SEM1: variants seen among roughly 807,000 people sequenced by gnomAD.
The protein encoded by SEM1 is SEM1 26S proteasome subunit.
SEM1 carries 3 observed loss-of-function variants against 12.7 expected under a neutral mutation model. The ratio of observed to expected loss-of-function variants is 0.24; its 90% CI spans 0.11 to 0.61. The LOEUF (loss-of-function observed/expected upper bound fraction) is 0.61, where lower values mean the gene tolerates loss of function less well. Among genes scored for constraint, SEM1 ranks in the 20% least tolerant of loss-of-function variants. The probability of loss-of-function intolerance (pLI) is 0.88; values close to 1 mark genes in which losing one functional copy is unlikely to be tolerated. For missense variants in SEM1, 59 were observed against 81.3 expected, an observed-to-expected ratio of 0.73 and a Z score of 1.06; for synonymous variants, 30 against 27.8, an observed-to-expected ratio of 1.08 and a Z score of -0.25.
rs1803937557 is a variant in SEM1, at chr7:96,511,629, A to C, written c.171-4931T>G. On this transcript the variant is annotated intron_variant and NMD_transcript_variant, in intron 2 of 3. Transcript: ENST00000466986. ...AATGTCATATTGAAGATTTTTGGGA[A>C]ATACACAGTGTTTGTGAAAAGAGGA... Among the ~76,000 whole-genome samples, 12 of 152,270 alleles carry C rather than the reference A, an allele frequency of 7.9e-5. No homozygotes were observed. In the South Asian group the frequency reaches 2.5e-3, roughly 32 times the overall value.
chr7:96,700,661 A>G (rs1185174106), intron 1 of SEM1, among the ~76,000 whole-genome samples: 2 of 152,212 alleles, frequency 1.3e-5, no homozygotes, highest in African/African-American at 4.8e-5. Context: ...ACATCTTTCA[A>G]TGAGTAATGT....
rs547737993 is a variant in SEM1, at chr7:96,598,749, C to T, written c.171-92051G>A. On this transcript the variant is annotated intron_variant and NMD_transcript_variant, in intron 2 of 3. Transcript: ENST00000466986. ...CTTTTTGACCACAGGCCCCAGACCA[C>T]TGAGTTTATATGCTCACTTTGTGGA... Among the ~76,000 whole-genome samples, 11 of 152,232 alleles carry T rather than the reference C, an allele frequency of 7.2e-5. No homozygotes were observed. The East Asian group carries it at 2.1e-3, about 29-fold the overall frequency.
chr7:96,513,752 C>T, intron 2 of SEM1, among the ~76,000 whole-genome samples: 1 of 152,014 alleles, frequency 6.6e-6, no homozygotes, highest in South Asian at 2.1e-4. Flanking sequence ...TCACTTGAAA[C>T]CAGGAGGCAG....
intron 2 of SEM1, among the ~76,000 whole-genome samples, chr7:96,526,105 C>A (rs1014670194): frequency 7.2e-5 from 11 of 152,104 alleles, no homozygotes; most frequent in Non-Finnish European, 1.6e-4. Flanking sequence ...GACCTCAAAC[C>A]AACCCCTGTC....
chr7:96,511,188 A>G (rs192221342), intron 2 of SEM1, among the ~76,000 whole-genome samples: 1 of 152,290 alleles, frequency 6.6e-6, no homozygotes, highest in Admixed American at 6.5e-5. Context: ...AGTTTTTAGA[A>G]CGTAACCAGT....
intron 2 of SEM1, among the ~76,000 whole-genome samples, chr7:96,658,412 T>C (rs986294314): frequency 2.0e-5 from 3 of 152,248 alleles, no homozygotes; most frequent in African/African-American, 4.8e-5. Flanking sequence ...CCCTGGCATA[T>C]GGTCTTTTAA....
chr7:96,492,634 T>G (rs1803062025), intron 1 of SEM1, among the ~76,000 whole-genome samples: 1 of 143,564 alleles, frequency 7.0e-6, no homozygotes, highest in African/African-American at 2.6e-5. Flanking sequence ...TTTCACCATG[T>G]TGGCCAGGCT....
intron 2 of SEM1, among the ~76,000 whole-genome samples, chr7:96,570,774 T>C (rs6967285): frequency 0.54 from 82,784 of 151,998 alleles, 24,599 homozygotes; most frequent in Non-Finnish European, 0.68. Flanking sequence ...GAGGAATCGC[T>C]ACACTGTCTT....
chr7:96,648,162 A>G (rs1165369029), intron 2 of SEM1, among the ~76,000 whole-genome samples: 1 of 152,226 alleles, frequency 6.6e-6, no homozygotes, highest in Non-Finnish European at 1.5e-5. Flanking sequence ...GGCATTCACA[A>G]TTTTTGAATA....
chr7:96,658,555 A>T lies in SEM1; in HGVS notation c.171-35912T>A, dbSNP rs186160831. On this transcript the variant is annotated intron_variant, in intron 2 of 2. Coordinates refer to the SEM1 transcript ENST00000417009. ...AAGGAAACAAATGTTAAATCTGTGC[A>T]TAGGAGCCATGCAATTCCTAGGAGA... 5.0e-4 allele frequency among the ~76,000 whole-genome samples: 76 copies of T among 152,362 alleles called. No homozygotes were observed. The East Asian group carries it at 0.01, about 20-fold the overall frequency.
chr7:96,568,844 T>C (rs1805931902), intron 2 of SEM1, among the ~76,000 whole-genome samples: 1 of 151,948 alleles, frequency 6.6e-6, no homozygotes, highest in Non-Finnish European at 1.5e-5. Flanking sequence ...CTAATAAATG[T>C]TCATTCCTTA....
intron 2 of SEM1, among the ~76,000 whole-genome samples, 197 bp downstream of exon 2, chr7:96,694,601 T>A (rs1790031919): frequency 6.6e-6 from 1 of 151,952 alleles, no homozygotes; most frequent in Non-Finnish European, 1.5e-5. Context: ...CCAGAAAGAA[T>A]AAAAGTTGTA....
In SEM1 at chr7:96,589,811, A is replaced by T. The variant is rs774231200; in HGVS notation, c.171-83113T>A. Among the ~76,000 whole-genome samples, 17 of 152,180 alleles carry T rather than the reference A, an allele frequency of 1.1e-4. 1 individual carries two copies. Among genetic ancestry groups the T allele is most frequent in the Non-Finnish European group, 4.4e-5 (3 of 68,032 alleles). On this transcript the variant is annotated intron_variant and NMD_transcript_variant, in intron 2 of 3. Coordinates refer to the SEM1 transcript ENST00000466986. ...GTCCCTTCTTCCTCAAACTGAGCTAATTTTAATTAGACTACTATTTCTCCA... is the reference window on the plus strand; with the variant it reads ...GTCCCTTCTTCCTCAAACTGAGCTATTTTTAATTAGACTACTATTTCTCCA...
At chr7:96,686,523 A>C (rs1022436805), downstream of SEM1, among the ~76,000 whole-genome samples, 5 of 152,170 alleles carry the variant, frequency 3.3e-5, no homozygotes, top group Non-Finnish European at 7.3e-5. Context: ...ACCACAGACC[A>C]AAATATTGAG....
At chr7:96,552,690 C>T (rs1212514318) in intron 2 of SEM1, among the ~76,000 whole-genome samples, 1 of 151,396 alleles carries the variant, frequency 6.6e-6, no homozygotes, top group East Asian at 1.9e-4. Flanking sequence ...ATTTATAGTC[C>T]TTTGGGTATA....
At chr7:96,514,943 G>C (rs1804043369) in intron 2 of SEM1, among the ~76,000 whole-genome samples, 1 of 151,940 alleles carries the variant, frequency 6.6e-6, no homozygotes, top group South Asian at 2.1e-4. Context: ...AAAGACCCAG[G>C]ATACACAACA....
chr7:96,687,140 G>A (rs576616233), downstream of SEM1, among the ~76,000 whole-genome samples: 35 of 152,218 alleles, frequency 2.3e-4, no homozygotes, highest in Non-Finnish European at 2.1e-4. Flanking sequence ...GAAACAACAG[G>A]TGCTGGAGAG....
At chr7:96,533,354 G>C (rs1192655159) in intron 2 of SEM1, among the ~76,000 whole-genome samples, 1 of 151,914 alleles carries the variant, frequency 6.6e-6, no homozygotes, top group African/African-American at 2.4e-5. Context: ...CATCAATCTA[G>C]AGTCATCAAA....
chr7:96,658,984 G>C (rs770902871), intron 2 of SEM1, among the ~76,000 whole-genome samples: 7 of 152,068 alleles, frequency 4.6e-5, no homozygotes, highest in Non-Finnish European at 8.8e-5. Context: ...TGATCTAGTA[G>C]AGGCCCTGAA....
Sources: gnomAD v4.1 joint callset for allele counts (sites outside exome capture counted in the v4.1 genomes callset) on GRCh38, gnomAD v4.1.1 for gene constraint, MANE v1.5 for transcripts, NCBI Gene and HGNC (gene_info 2026-07-23, HGNC 2026-07-21) for gene names.